RAPGEF2: variants seen among roughly 807,000 people sequenced by gnomAD.
The protein encoded by RAPGEF2 is PDZ domain containing guanine nucleotide exchange factor (GEF) 1.
A neutral mutation model predicts 186.7 loss-of-function variants in RAPGEF2; 54 were observed. The ratio of observed to expected loss-of-function variants is 0.29; its 90% CI spans 0.23 to 0.36. The LOEUF is 0.36. Among genes scored for constraint, RAPGEF2 ranks in the 10% least tolerant of loss-of-function variants. RAPGEF2 has a pLI of 1.00. For missense variants in RAPGEF2, 1,532 were observed against 2,045.0 expected, an observed-to-expected ratio of 0.75 and a Z score of 4.84; for synonymous variants, 712 against 705.9, an observed-to-expected ratio of 1.01 and a Z score of -0.14.
Position 159,243,778 on chromosome 4 carries a change from G to A in RAPGEF2, c.530G>A (p.Cys177Tyr). 2.3e-6 allele frequency: 3 copies of A among 1,282,930 alleles called. No individual in the cohort carries two copies. Among genetic ancestry groups the A allele is most frequent in the Non-Finnish European group, 3.1e-6 (3 of 982,732 alleles). 79.5% of individuals were successfully genotyped at this position (1,282,930 alleles called of 1,614,324 possible). ...PPLPRGYHTE[C>Y]TKSQLPADFT... ...TCATTTCATTTTGGCTCAAAGGAAT[G>A]CACTAAATCTCAGGTATTGTAATTT... Residue 177 changes from cysteine to tyrosine, a missense_variant, in exon 7 of 30, where the codon TGC (cysteine) becomes TAC (tyrosine). Cys to Tyr is a radical substitution (Grantham distance 194). Coordinates refer to ENST00000691494, the MANE Select transcript of RAPGEF2 (RefSeq NM_001394067.2).
At chr4:159,238,694 CT>C in intron 4 of RAPGEF2, 114 bp from the exon 5 acceptor site, 1 of 612,878 alleles carries the variant, frequency 1.6e-6, no homozygotes, top group Non-Finnish European at 2.5e-6. Flanking sequence ...CCAATGTGTA[CT>C]TTTTGTAATT....
intron 3 of RAPGEF2, 89 bp from the exon 4 acceptor site, chr4:159,210,411 T>C: frequency 1.3e-6 from 1 of 755,718 alleles, no homozygotes; most frequent in East Asian, 2.7e-5. Context: ...TTAAAAGTAA[T>C]ATGGGTGCTG....
chr4:159,228,857 C>T (rs1229421754), intron 4 of RAPGEF2, among the ~76,000 whole-genome samples: 2 of 152,146 alleles, frequency 1.3e-5, no homozygotes, highest in African/African-American at 4.8e-5. Context: ...AGTCAATCCA[C>T]TTTCCTTTTA....
In RAPGEF2 at chr4:159,104,162, G is replaced by C; in HGVS notation, c.-1G>C. ...GGCCCCGGCCCGCTCCCAGAGGGGA[G>C]ATGGCGTCCTACGTAGATAACAGCT... On this transcript the variant is annotated 5_prime_UTR_variant, in exon 1 of 30. Transcript: ENST00000691494. The C allele has an allele frequency of 6.6e-7, 1 of 1,525,602 alleles. No homozygotes were observed. The highest frequency in any genetic ancestry group is 8.8e-7 in the Non-Finnish European group (1 of 1,141,170). The allele number at this position is 1,525,602 out of a possible 1,614,324, so 94.5% of individuals were successfully genotyped here.
chr4:159,109,281 C>G (rs139399703), intron 1 of RAPGEF2, among the ~76,000 whole-genome samples: 12 of 152,144 alleles, frequency 7.9e-5, no homozygotes, highest in African/African-American at 2.9e-4. Context: ...TCTTGAAGCC[C>G]AGGTGTTCAA....
At chr4:159,273,046 G>GA (rs1264876958) in intron 7 of RAPGEF2, among the ~76,000 whole-genome samples, 6 of 152,070 alleles carry the variant, frequency 3.9e-5, no homozygotes, top group African/African-American at 2.4e-5. Flanking sequence ...TAGCAATGTA[G>GA]AAAAAAAGCA....
intron 1 of RAPGEF2, among the ~76,000 whole-genome samples, chr4:159,137,844 C>T (rs988500030): frequency 6.6e-6 from 1 of 151,682 alleles, no homozygotes; most frequent in African/African-American, 2.4e-5. Flanking sequence ...CAAAGAGTAA[C>T]TGTAATTCTT....
intron 7 of RAPGEF2, chr4:159,267,166 A>G (rs1171867885): frequency 7.8e-7 from 1 of 1,284,648 alleles, no homozygotes; most frequent in African/African-American, 1.5e-5. Flanking sequence ...GAGACAGACT[A>G]CAGTGTCTTG....
At chr4:159,111,380 A>G (rs1247054433) in intron 1 of RAPGEF2, among the ~76,000 whole-genome samples, 2 of 152,212 alleles carry the variant, frequency 1.3e-5, no homozygotes, top group Non-Finnish European at 2.9e-5. Context: ...GTTGAAAATA[A>G]TGGACTGTGG....
chr4:159,342,775 G>A (rs1729740817), intron 20 of RAPGEF2, among the ~76,000 whole-genome samples: 1 of 151,870 alleles, frequency 6.6e-6, no homozygotes. Flanking sequence ...ATACGGAAGA[G>A]AAGAGTAAAA....
intron 13 of RAPGEF2, among the ~76,000 whole-genome samples, chr4:159,331,049 G>T (rs547616266): frequency 6.6e-6 from 1 of 152,108 alleles, no homozygotes; most frequent in Non-Finnish European, 1.5e-5. Flanking sequence ...AGGCTTAATA[G>T]CATTGATTCT....
chr4:159,131,519 AT>A (rs35670450), intron 1 of RAPGEF2, among the ~76,000 whole-genome samples: 671 of 37,168 alleles, frequency 0.018, 4 homozygotes, highest in African/African-American at 0.046. Context: ...ATTAATTGCT[AT>A]TTTTTTTTTT....
intron 4 of RAPGEF2, among the ~76,000 whole-genome samples, chr4:159,233,623 A>C (rs548899200): frequency 2.4e-4 from 36 of 152,030 alleles, no homozygotes; most frequent in African/African-American, 8.2e-4. Flanking sequence ...GACTCGGGGG[A>C]AGTGTGAGAA....
At position 159,268,351 on chromosome 4, in the gene RAPGEF2, G is replaced by C. The variant is rs74637454; in HGVS notation, c.543+24560G>C. 3.2e-3 allele frequency: 2,043 copies of C among 647,692 alleles called. 32 individuals are homozygous for C. In the African/African-American group the frequency reaches 0.034, roughly 11 times the overall value. 40.1% of individuals were successfully genotyped at this position (647,692 alleles called of 1,614,324 possible). On this transcript the variant is annotated intron_variant, in intron 7 of 29. Transcript: ENST00000691494. The stretch of plus-strand genomic sequence containing the variant: ...AGTAGTCTGCTTGGAGAGGAGGGGA[G>C]GGTGCATTAAAGCTGGCTTGTTCTT...
At chr4:159,295,632 C>G (rs1418443458) in intron 7 of RAPGEF2, among the ~76,000 whole-genome samples, 2 of 151,414 alleles carry the variant, frequency 1.3e-5, no homozygotes, top group Non-Finnish European at 1.5e-5. Flanking sequence ...AATAATAATT[C>G]TACTATTGTT....
intron 7 of RAPGEF2, among the ~76,000 whole-genome samples, chr4:159,283,498 G>C (rs1760011439): frequency 6.6e-6 from 1 of 152,056 alleles, no homozygotes; most frequent in East Asian, 1.9e-4. Context: ...TAGAATTTTA[G>C]AGATATTTTA....
intron 3 of RAPGEF2, among the ~76,000 whole-genome samples, chr4:159,195,685 G>T (rs1748562341): frequency 6.6e-6 from 1 of 151,932 alleles, no homozygotes; most frequent in African/African-American, 2.4e-5. Context: ...CCCTTTTCAT[G>T]CCTTGTCACC....
intron 7 of RAPGEF2, among the ~76,000 whole-genome samples, chr4:159,290,461 A>G (rs567809651): frequency 3.5e-4 from 53 of 152,370 alleles, no homozygotes; most frequent in Admixed American, 1.2e-3. Context: ...ATCAGTATGC[A>G]TACACATACA....
intron 1 of RAPGEF2, among the ~76,000 whole-genome samples, chr4:159,157,507 A>G (rs1561023296): frequency 6.6e-6 from 1 of 152,192 alleles, no homozygotes; most frequent in African/African-American, 2.4e-5. Context: ...AGTGGTTTCT[A>G]GGGTTTCGGA....
Sources: gnomAD v4.1 joint callset for allele counts (sites outside exome capture counted in the v4.1 genomes callset) on GRCh38, gnomAD v4.1.1 for gene constraint, MANE v1.5 for transcripts, NCBI Gene and HGNC (gene_info 2026-07-23, HGNC 2026-07-21) for gene names.